Variants in CYFIP2 observed in about 807,000 individuals in gnomAD.
CYFIP2 encodes the protein cytoplasmic FMR1 interacting protein 2, also known as cytoplasmic FMR1-interacting protein 2.
CYFIP2 carries 29 observed loss-of-function variants against 158.7 expected under a neutral mutation model. The observed-to-expected ratio is 0.18, with a 90% CI of 0.14 to 0.25. The LOEUF (loss-of-function observed/expected upper bound fraction) is 0.25. Ranked by LOEUF, CYFIP2 falls within the 10% of genes least tolerant of loss-of-function variation. The pLI is 1.00. For missense variants in CYFIP2, 852 were observed against 1,639.5 expected, an observed-to-expected ratio of 0.52 and a Z score of 8.29; for synonymous variants, 585 against 617.6, an observed-to-expected ratio of 0.95 and a Z score of 0.78.
In CYFIP2 at chr5:157,290,285, C is replaced by T. The variant is rs764513505; in HGVS notation, c.207+3177C>T. Among the ~76,000 whole-genome samples, 101 of 152,202 alleles carry T rather than the reference C, an allele frequency of 6.6e-4. 1 individual carries two copies. The highest frequency in any genetic ancestry group is 1.1e-3 in the Non-Finnish European group (76 of 68,034). ...GTTAAAATCAGGGTGCCAGCAGGGCCGCATTCCTTCTGCAGGCTCCAGGAG... is the reference window on the plus strand; with the variant it reads ...GTTAAAATCAGGGTGCCAGCAGGGCTGCATTCCTTCTGCAGGCTCCAGGAG... On this transcript the variant is annotated intron_variant, in intron 3 of 30. Coordinates refer to ENST00000620254, the MANE Select transcript of CYFIP2 (RefSeq NM_001037333.3).
Position 157,307,663 on chromosome 5 carries a change from G to A in CYFIP2, c.796-98G>A, listed in dbSNP as rs1235403249. On this transcript the variant is annotated intron_variant, in intron 8 of 30. Transcript: ENST00000620254. Reference sequence around the variant, plus strand: ...TGTGTGTGTGTGTGTGTGTATGTGTGTGTGTGTGTGTGACACATATACAGA... The same window carrying A: ...TGTGTGTGTGTGTGTGTGTATGTGTATGTGTGTGTGTGACACATATACAGA... 4 of 649,180 alleles carry A rather than the reference G, an allele frequency of 6.2e-6. No homozygotes were observed. In the South Asian group the frequency reaches 7.0e-5, roughly 11 times the overall value. The allele number at this position is 649,180 out of a possible 1,614,324, so 40.2% of individuals were successfully genotyped here. A position where few individuals can be genotyped will look rare whatever the true frequency, so the allele number is the denominator to read the frequency against.
chr5:157,360,671 A>C (rs1561764649), intron 25 of CYFIP2, among the ~76,000 whole-genome samples: 1 of 152,176 alleles, frequency 6.6e-6, no homozygotes, highest in Admixed American at 6.5e-5. Flanking sequence ...AAAGGTATTT[A>C]TGAGCTCAGC....
At chr5:157,269,674 T>G (rs1377182583) in intron 1 of CYFIP2, 2 of 152,236 alleles carry the variant, frequency 1.3e-5, no homozygotes, top group African/African-American at 4.8e-5. Flanking sequence ...GTAAATGCCC[T>G]CCATTCCTTA....
chr5:157,366,103 C>G (rs928202765), intron 26 of CYFIP2, among the ~76,000 whole-genome samples: 1 of 152,128 alleles, frequency 6.6e-6, no homozygotes, highest in Non-Finnish European at 1.5e-5. Context: ...GTTATCATTT[C>G]TTTGCAGCCT....
At chr5:157,285,021 CTGTG>C (rs1342467394) in intron 1 of CYFIP2, among the ~76,000 whole-genome samples, 1 of 152,206 alleles carries the variant, frequency 6.6e-6, no homozygotes, top group African/African-American at 2.4e-5. Context: ...GGTCACGTGA[CTGTG>C]TGGGCATCAC....
intron 7 of CYFIP2, 89 bp from the exon 8 acceptor site, chr5:157,304,149 C>T: frequency 6.8e-7 from 1 of 1,478,788 alleles, no homozygotes; most frequent in Non-Finnish European, 9.1e-7. Flanking sequence ...GCGGGGACCA[C>T]ACCGGCCAGC....
intron 23 of CYFIP2, among the ~76,000 whole-genome samples, chr5:157,357,522 GA>G (rs747846178): frequency 2.3e-4 from 35 of 152,322 alleles, no homozygotes; most frequent in Middle Eastern, 3.4e-3. Context: ...CCAGTTGGGA[GA>G]ACTACACTCA....
chr5:157,273,508 G>A (rs1270346331), intron 1 of CYFIP2, among the ~76,000 whole-genome samples: 1 of 152,144 alleles, frequency 6.6e-6, no homozygotes, highest in Non-Finnish European at 1.5e-5. Context: ...GGGGCAGGGG[G>A]AGGGAACAAA....
At chr5:157,332,167 C>G (rs1761512711) in intron 20 of CYFIP2, among the ~76,000 whole-genome samples, 1 of 152,206 alleles carries the variant, frequency 6.6e-6, no homozygotes, top group Admixed American at 6.5e-5. Flanking sequence ...AGAGCCTACC[C>G]TGAACCTCTT....
intron 10 of CYFIP2, 59 bp downstream of exon 10, chr5:157,309,893 G>A: frequency 6.8e-7 from 1 of 1,480,898 alleles, no homozygotes; most frequent in South Asian, 1.2e-5. Context: ...CGGGCAGAGA[G>A]CCGAGGGGCC....
chr5:157,334,478 T>C (rs1581084189), intron 21 of CYFIP2, among the ~76,000 whole-genome samples: 3 of 152,188 alleles, frequency 2.0e-5, no homozygotes, highest in African/African-American at 7.2e-5. Context: ...TTGCATAGTC[T>C]CAAAGTATCT....
At chr5:157,284,586 C>T (rs1368150433) in intron 1 of CYFIP2, among the ~76,000 whole-genome samples, 2 of 152,104 alleles carry the variant, frequency 1.3e-5, no homozygotes, top group Non-Finnish European at 2.9e-5. Context: ...GTGCTGAGTT[C>T]TTAAAATAGG....
At chr5:157,315,319 A>G (rs1760054117) in intron 13 of CYFIP2, among the ~76,000 whole-genome samples, 1 of 152,208 alleles carries the variant, frequency 6.6e-6, no homozygotes, top group Non-Finnish European at 1.5e-5. Flanking sequence ...CCACTGGAAA[A>G]AAAAACGGGC....
At position 157,393,207 on chromosome 5, in the gene CYFIP2, G is replaced by T. The variant is rs888259718; in HGVS notation, c.*207G>T. 109 of 279,938 alleles carry T rather than the reference G, an allele frequency of 3.9e-4. No homozygotes were observed. The highest frequency in any genetic ancestry group is 9.9e-4 in the Middle Eastern group (1 of 1,010). 17.3% of individuals were successfully genotyped at this position (279,938 alleles called of 1,614,324 possible). A position where few individuals can be genotyped will look rare whatever the true frequency, so the allele number is the denominator to read the frequency against. On this transcript the variant is annotated 3_prime_UTR_variant, in exon 31 of 31. Coordinates refer to ENST00000620254, the MANE Select transcript of CYFIP2 (RefSeq NM_001037333.3). ...ATGCTGGTTTCTCCATAGCATAAAT[G>T]AAAAAAAAAAAAAAAAAGTAAACAG...
intron 7 of CYFIP2, 150 bp from the exon 8 acceptor site, chr5:157,304,088 G>T: frequency 1.1e-6 from 1 of 944,124 alleles, no homozygotes; most frequent in Non-Finnish European, 1.6e-6. Flanking sequence ...GGCATCAGGT[G>T]CCAGCTGGCA....
At chr5:157,348,415 A>G (rs1033444108) in intron 23 of CYFIP2, among the ~76,000 whole-genome samples, 3 of 151,896 alleles carry the variant, frequency 2.0e-5, no homozygotes, top group African/African-American at 7.3e-5. Context: ...CCCCTGGCTA[A>G]TTATTATTAT....
In CYFIP2 at chr5:157,355,286, G is replaced by A. The variant is rs117253878; in HGVS notation, c.2674-3719G>A. Among the ~76,000 whole-genome samples, 250 of 152,202 alleles carry A rather than the reference G, an allele frequency of 1.6e-3. 10 individuals are homozygous for A. In the East Asian group the frequency reaches 0.041, roughly 25 times the overall value. ...CTCCCCTGTTTACAATCAGAGAATC[G>A]TAGCTGTCGCCAAAGCTGCTGGGGG... On this transcript the variant is annotated intron_variant, in intron 23 of 30. Coordinates refer to ENST00000620254, the MANE Select transcript of CYFIP2 (RefSeq NM_001037333.3).
At chr5:157,293,538 G>T (rs1758003530) in intron 3 of CYFIP2, among the ~76,000 whole-genome samples, 1 of 152,052 alleles carries the variant, frequency 6.6e-6, no homozygotes, top group Non-Finnish European at 1.5e-5. Context: ...ATAGTACATG[G>T]GCTGTTATAA....
chr5:157,385,547 T>C (rs556432292), intron 28 of CYFIP2, among the ~76,000 whole-genome samples: 2 of 152,248 alleles, frequency 1.3e-5, no homozygotes, highest in South Asian at 4.1e-4. Flanking sequence ...GTGACCTGGT[T>C]TGTTGCCCCA....
Sources: allele counts gnomAD v4.1 joint callset (sites outside exome capture counted in the v4.1 genomes callset), GRCh38; gene constraint gnomAD v4.1.1; transcripts MANE v1.5; gene names NCBI Gene and HGNC (gene_info 2026-07-23, HGNC 2026-07-21).